The following CMSS1 variants were observed in gnomAD, a reference collection of about 807,000 sequenced individuals.
CMSS1 encodes cms1 ribosomal small subunit homolog, also known as protein CMSS1.
Under a neutral mutation model 43.5 loss-of-function variants are expected in CMSS1, and 33 were observed. That is an observed-to-expected ratio of 0.76 (90% CI 0.57 to 1.01). The LOEUF (loss-of-function observed/expected upper bound fraction) is 1.01. Ranked by LOEUF, CMSS1 falls within the 50% of genes least tolerant of loss-of-function variation. The probability of loss-of-function intolerance (pLI) is 0.00; values close to 1 mark genes in which losing one functional copy is unlikely to be tolerated. For missense variants in CMSS1, 313 were observed against 326.4 expected (o/e 0.96, Z 0.32); for synonymous variants, 115 against 117.2 (o/e 0.98, Z 0.12).
chr3:99,842,641 GAT>G (rs1431337532), intron 1 of CMSS1, among the ~76,000 whole-genome samples: 1 of 151,958 alleles, frequency 6.6e-6, no homozygotes, highest in Non-Finnish European at 1.5e-5. Context: ...CAAATAATAA[GAT>G]AAGTTTTATT....
At chr3:99,899,739 T>G (rs916037223) in intron 1 of CMSS1, among the ~76,000 whole-genome samples, 1 of 152,258 alleles carries the variant, frequency 6.6e-6, no homozygotes, top group African/African-American at 2.4e-5. Flanking sequence ...CTTTTCTTAA[T>G]GCACATTAAC....
chr3:99,857,798 TC>T (rs1335751121), intron 1 of CMSS1, among the ~76,000 whole-genome samples: 2 of 152,228 alleles, frequency 1.3e-5, no homozygotes, highest in African/African-American at 4.8e-5. Context: ...TTCTCATCTG[TC>T]TCTTTAAGGA....
chr3:99,819,593 T>G (rs1307535453), intron 1 of CMSS1, among the ~76,000 whole-genome samples: 1 of 152,152 alleles, frequency 6.6e-6, no homozygotes, highest in African/African-American at 2.4e-5. Flanking sequence ...GAACACACAT[T>G]GAAGAAGAGG....
chr3:100,079,642 T>C (rs571598621), intron 1 of CMSS1, among the ~76,000 whole-genome samples: 1 of 152,346 alleles, frequency 6.6e-6, no homozygotes, highest in East Asian at 1.9e-4. Context: ...CAAATCCTTC[T>C]GATTTTCAAT....
chr3:99,882,918 G>T (rs2107604410), intron 1 of CMSS1, among the ~76,000 whole-genome samples: 1 of 152,282 alleles, frequency 6.6e-6, no homozygotes, highest in East Asian at 1.9e-4. Flanking sequence ...ACTAAGATTG[G>T]CCACATGTCA....
chr3:100,000,320 C>A (rs780686420), intron 1 of CMSS1, among the ~76,000 whole-genome samples: 2 of 152,180 alleles, frequency 1.3e-5, no homozygotes, highest in Non-Finnish European at 2.9e-5. Flanking sequence ...TTACTACAAC[C>A]TGAAAATAAC....
intron 1 of CMSS1, among the ~76,000 whole-genome samples, chr3:100,136,240 G>A (rs570231866): frequency 1.4e-4 from 21 of 152,162 alleles, no homozygotes; most frequent in South Asian, 6.2e-4. Context: ...GTTTTTTGCC[G>A]TATGTTAGAC....
In CMSS1 at chr3:100,062,093, C is replaced by CTTTTTTT. The variant is rs71907944; in HGVS notation, c.65-84850_65-84844dup. 1.6e-3 allele frequency among the ~76,000 whole-genome samples: 87 copies of CTTTTTTT among 53,184 alleles called. 22 individuals carry two copies. Among genetic ancestry groups the CTTTTTTT allele is most frequent in the African/African-American group, 5.7e-3 (64 of 11,244 alleles). 34.9% of individuals were successfully genotyped at this position (53,184 alleles called of 152,430 possible). A position where few individuals can be genotyped will look rare whatever the true frequency, so the allele number is the denominator to read the frequency against. ...CCACTTGTGGTTATCCTGTCTTCTT[C>CTTTTTTT]TTTTTTTTTTTTTTTTTTTTTTTTT... is the stretch of plus-strand genomic sequence containing the variant. On this transcript the variant is annotated intron_variant, in intron 1 of 9. Coordinates refer to ENST00000421999, the MANE Select transcript of CMSS1 (RefSeq NM_032359.4).
Position 99,991,905 on chromosome 3 carries a change from T to C in CMSS1, c.65-155068T>C, listed in dbSNP as rs1236084038. ...ATATGTATATATGTGTGTATATATA[T>C]ACATATATAGGTATATATACACACA... On this transcript the variant is annotated intron_variant, in intron 1 of 9. Coordinates refer to ENST00000421999, the MANE Select transcript of CMSS1 (RefSeq NM_032359.4). Among the ~76,000 whole-genome samples, 7 of 149,812 alleles carry C rather than the reference T, an allele frequency of 4.7e-5. No individual in the cohort carries two copies. The East Asian group carries it at 7.8e-4, about 17-fold the overall frequency.
chr3:100,107,687 G>A (rs1221190519), intron 1 of CMSS1, among the ~76,000 whole-genome samples: 2 of 152,026 alleles, frequency 1.3e-5, no homozygotes, highest in African/African-American at 4.8e-5. Flanking sequence ...ATTCTCCCAA[G>A]GTAGTATTAC....
chr3:99,836,880 G>A (rs754817172), intron 1 of CMSS1, among the ~76,000 whole-genome samples: 11 of 152,178 alleles, frequency 7.2e-5, no homozygotes, highest in Non-Finnish European at 1.2e-4. Context: ...ACTTGTACTC[G>A]CAGAAAGGTT....
chr3:99,996,158 G>A (rs1559718859), intron 1 of CMSS1, among the ~76,000 whole-genome samples: 1 of 152,174 alleles, frequency 6.6e-6, no homozygotes, highest in African/African-American at 2.4e-5. Flanking sequence ...GTCACCTCTT[G>A]AATGCTTTGC....
At position 99,957,681 on chromosome 3, in the gene CMSS1, T is replaced by TTTTC. The variant is rs1553700126; in HGVS notation, c.64+139650_64+139653dup. 2.8e-4 allele frequency among the ~76,000 whole-genome samples: 40 copies of TTTTC among 143,302 alleles called. 1 individual carries two copies. Among genetic ancestry groups the TTTTC allele is most frequent in the African/African-American group, 8.8e-4 (34 of 38,712 alleles). 94.0% of individuals were successfully genotyped at this position (143,302 alleles called of 152,430 possible). A position where few individuals can be genotyped will look rare whatever the true frequency, so the allele number is the denominator to read the frequency against. On this transcript the variant is annotated intron_variant, in intron 1 of 9. Transcript: ENST00000421999. ...GTTACTTGGCACTTCTCCTTTTCTCTTTTCTTTCTTTCTTTTTTTTTTTTT... is the reference window on the plus strand; with the variant it reads ...GTTACTTGGCACTTCTCCTTTTCTCTTTTCTTTCTTTCTTTCTTTTTTTTTTTTT...
chr3:100,160,046 G>A, intron 2 of CMSS1: 1 of 401,458 alleles, frequency 2.5e-6, no homozygotes, highest in Non-Finnish European at 4.9e-6. Flanking sequence ...GAAAACCTTA[G>A]TCACTCTAGT....
At chr3:100,014,672 T>C (rs1710266767) in intron 1 of CMSS1, among the ~76,000 whole-genome samples, 2 of 152,068 alleles carry the variant, frequency 1.3e-5, no homozygotes, top group Non-Finnish European at 1.5e-5. Flanking sequence ...TCATTTTTAA[T>C]TGGGTTGTTT....
intron 1 of CMSS1, among the ~76,000 whole-genome samples, chr3:100,028,749 C>T (rs2064971297): frequency 6.6e-6 from 1 of 152,042 alleles, no homozygotes; most frequent in Non-Finnish European, 1.5e-5. Context: ...ATGATAATAG[C>T]ACATTTCCAA....
intron 1 of CMSS1, among the ~76,000 whole-genome samples, chr3:100,032,522 C>T (rs2065037615): frequency 1.3e-5 from 2 of 152,142 alleles, no homozygotes; most frequent in East Asian, 1.9e-4. Flanking sequence ...GACAGCTAGC[C>T]GAATTCCCCT....
chr3:100,049,861 A>G (rs1407836984), intron 1 of CMSS1, among the ~76,000 whole-genome samples: 2 of 152,314 alleles, frequency 1.3e-5, no homozygotes, highest in East Asian at 3.9e-4. Flanking sequence ...TTTTTATTTT[A>G]TCAATAAGGC....
intron 1 of CMSS1, among the ~76,000 whole-genome samples, chr3:99,945,598 A>G (rs1171266818): frequency 6.6e-6 from 1 of 152,198 alleles, no homozygotes; most frequent in African/African-American, 2.4e-5. Flanking sequence ...TGTTTTAGCA[A>G]TGATTATGAA....
Sources: allele counts gnomAD v4.1 joint callset (sites outside exome capture counted in the v4.1 genomes callset), GRCh38; gene constraint gnomAD v4.1.1; transcripts MANE v1.5; gene names NCBI Gene and HGNC (gene_info 2026-07-23, HGNC 2026-07-21).